Variants in ZNF385D observed in about 807,000 individuals in gnomAD.
ZNF385D encodes the protein zinc finger protein 659.
Under a neutral mutation model 35.8 loss-of-function variants are expected in ZNF385D, and 15 were observed. The observed-to-expected ratio is 0.42, with a 90% CI of 0.28 to 0.64. The LOEUF (loss-of-function observed/expected upper bound fraction) is 0.64, where lower values mean the gene tolerates loss of function less well. Ranked by LOEUF, ZNF385D falls within the 30% of genes least tolerant of loss-of-function variation. The pLI is 0.23. For missense variants in ZNF385D, 474 were observed against 494.6 expected, an observed-to-expected ratio of 0.96 and a Z score of 0.39; for synonymous variants, 212 against 186.8, an observed-to-expected ratio of 1.13 and a Z score of -1.10.
At chr3:21,586,583 A>G (rs2125718425) in intron 2 of ZNF385D, among the ~76,000 whole-genome samples, 1 of 152,280 alleles carries the variant, frequency 6.6e-6, no homozygotes, top group Admixed American at 6.5e-5. Context: ...CAAATTGAGG[A>G]GGTTGGGCAG....
chr3:21,587,516 T>C (rs1437006893), intron 2 of ZNF385D, among the ~76,000 whole-genome samples: 1 of 152,178 alleles, frequency 6.6e-6, no homozygotes, highest in Non-Finnish European at 1.5e-5. Context: ...AAAGGAAGAA[T>C]GGCAAATTTT....
At chr3:21,826,028 C>T (rs552596251) in intron 3 of ZNF385D, among the ~76,000 whole-genome samples, 3 of 152,184 alleles carry the variant, frequency 2.0e-5, no homozygotes, top group Non-Finnish European at 2.9e-5. Flanking sequence ...TCATCCCCTT[C>T]TTCCCCTCAA....
intron 2 of ZNF385D, among the ~76,000 whole-genome samples, chr3:22,211,087 T>C (rs1278157376): frequency 6.6e-6 from 1 of 151,928 alleles, no homozygotes; most frequent in East Asian, 1.9e-4. Context: ...GTACTTGTGC[T>C]TACCCAGCTG....
At chr3:22,157,499 G>C (rs546479823) in intron 3 of ZNF385D, among the ~76,000 whole-genome samples, 2 of 151,978 alleles carry the variant, frequency 1.3e-5, no homozygotes, top group Non-Finnish European at 2.9e-5. Flanking sequence ...CTACCAGTGA[G>C]AATAAGATCT....
rs538159077 is a variant in ZNF385D at position 22,075,911 on chromosome 3, T to C, written c.325+92906A>G. ...TACCATCATAATCCATCCAGTTCCT[T>C]GAGTTGGATGTCAATCTCCGAATGT... On this transcript the variant is annotated intron_variant, in intron 3 of 5. Transcript: ENST00000494108. 1.1e-4 allele frequency among the ~76,000 whole-genome samples: 16 copies of C among 152,082 alleles called. No individual in the cohort carries two copies. The East Asian group carries it at 3.1e-3, about 29-fold the overall frequency.
At chr3:21,725,797 T>C (rs537370853) in intron 1 of ZNF385D, among the ~76,000 whole-genome samples, 3 of 151,962 alleles carry the variant, frequency 2.0e-5, no homozygotes, top group East Asian at 1.9e-4. Flanking sequence ...TTCCAAGCAA[T>C]AGAAAAAGAC....
At chr3:22,103,993 A>G (rs1024756539) in intron 3 of ZNF385D, among the ~76,000 whole-genome samples, 5 of 152,156 alleles carry the variant, frequency 3.3e-5, no homozygotes, top group Non-Finnish European at 7.4e-5. Flanking sequence ...TTATTCACTT[A>G]TATATTACAT....
intron 2 of ZNF385D, among the ~76,000 whole-genome samples, chr3:22,170,735 A>G (rs1285594939): frequency 6.6e-6 from 1 of 152,182 alleles, no homozygotes; most frequent in African/African-American, 2.4e-5. Flanking sequence ...AAAAAAATGT[A>G]AGTATCTATC....
intron 4 of ZNF385D, among the ~76,000 whole-genome samples, chr3:21,456,504 C>T (rs991783925): frequency 2.0e-5 from 3 of 152,092 alleles, no homozygotes; most frequent in African/African-American, 7.2e-5. Flanking sequence ...CCAAACACCG[C>T]ATGTTCTCAC....
intron 2 of ZNF385D, among the ~76,000 whole-genome samples, chr3:21,619,514 A>G (rs1211050025): frequency 1.3e-5 from 2 of 152,056 alleles, no homozygotes; most frequent in Admixed American, 6.6e-5. Flanking sequence ...TTCTAAATTC[A>G]TAACCCATTA....
At chr3:21,508,245 T>A (rs1314103088) in intron 4 of ZNF385D, among the ~76,000 whole-genome samples, 6 of 152,172 alleles carry the variant, frequency 3.9e-5, no homozygotes, top group Non-Finnish European at 7.3e-5. Context: ...GTTTATGTTA[T>A]CTTCAAAAGA....
chr3:21,619,777 G>A (rs1425994024), intron 2 of ZNF385D, among the ~76,000 whole-genome samples: 3 of 152,238 alleles, frequency 2.0e-5, no homozygotes, highest in East Asian at 1.9e-4. Context: ...AAAGTGATTC[G>A]AGGAACTGCA....
intron 3 of ZNF385D, among the ~76,000 whole-genome samples, chr3:21,845,772 G>C (rs2630801): frequency 0.2 from 30,527 of 151,902 alleles, 3,500 homozygotes; most frequent in Middle Eastern, 0.33. Flanking sequence ...TGGTTAATGA[G>C]AGCTTCTAAG....
At chr3:22,136,413 A>T (rs1014560644) in intron 3 of ZNF385D, among the ~76,000 whole-genome samples, 1 of 151,914 alleles carries the variant, frequency 6.6e-6, no homozygotes, top group Admixed American at 6.6e-5. Context: ...TCAACAATCT[A>T]CATATCATCA....
chr3:21,772,605 G>T (rs536208988), intron 3 of ZNF385D, among the ~76,000 whole-genome samples: 9 of 151,960 alleles, frequency 5.9e-5, no homozygotes, highest in Non-Finnish European at 1.2e-4. Context: ...GTGCATTGTT[G>T]GTGGGAATGT....
chr3:21,630,307 G>C (rs1157643231), intron 2 of ZNF385D, among the ~76,000 whole-genome samples: 1 of 151,164 alleles, frequency 6.6e-6, no homozygotes. Flanking sequence ...CTGAGTTCAA[G>C]TGATTCTCCT....
At chr3:22,096,328 AT>A (rs5847165) in intron 3 of ZNF385D, among the ~76,000 whole-genome samples, 1 of 150,096 alleles carries the variant, frequency 6.7e-6, no homozygotes, top group African/African-American at 2.4e-5. Context: ...AGTTGAAACT[AT>A]TTTTTTAAAT....
chr3:22,327,999 AT>A (rs1183263832), intron 2 of ZNF385D, among the ~76,000 whole-genome samples: 2 of 152,196 alleles, frequency 1.3e-5, no homozygotes, highest in African/African-American at 4.8e-5. Context: ...TCTTCTAAAT[AT>A]ACACATTATT....
intron 1 of ZNF385D, among the ~76,000 whole-genome samples, chr3:21,742,324 T>A (rs934923332): frequency 6.6e-6 from 1 of 152,214 alleles, no homozygotes; most frequent in African/African-American, 2.4e-5. Flanking sequence ...TGAACCATAC[T>A]TCCTTTCCCT....
Sources: allele counts gnomAD v4.1 joint callset (sites outside exome capture counted in the v4.1 genomes callset), GRCh38; gene constraint gnomAD v4.1.1; transcripts MANE v1.5; gene names NCBI Gene and HGNC (gene_info 2026-07-23, HGNC 2026-07-21).